Variants in RUNX1 observed in about 807,000 individuals in gnomAD.
The protein encoded by RUNX1 is RUNX family transcription factor 1, also known as runt-related transcription factor 1.
Under a neutral mutation model 42.8 loss-of-function variants are expected in RUNX1, and 19 were observed. The ratio of observed to expected loss-of-function variants is 0.44; its 90% CI spans 0.31 to 0.65. The LOEUF (loss-of-function observed/expected upper bound fraction) is 0.65. Ranked by LOEUF, RUNX1 falls within the 30% of genes least tolerant of loss-of-function variation. The pLI is 0.07. For missense variants in RUNX1, 528 were observed against 672.0 expected (o/e 0.79, Z 2.37); for synonymous variants, 271 against 289.4 (o/e 0.94, Z 0.64).
At chr21:34,983,633 T>A (rs1725241359) in intron 2 of RUNX1, among the ~76,000 whole-genome samples, 1 of 152,152 alleles carries the variant, frequency 6.6e-6, no homozygotes, top group South Asian at 2.1e-4. Flanking sequence ...GGGTTTAGAT[T>A]ACTAAGAATC....
At chr21:34,861,198 A>C (rs1028286503) in intron 5 of RUNX1, among the ~76,000 whole-genome samples, 5 of 152,322 alleles carry the variant, frequency 3.3e-5, no homozygotes, top group African/African-American at 1.2e-4. Context: ...TTCAGATGTT[A>C]TCAGGCGACA....
At chr21:35,012,410 C>A (rs1237571962) in intron 2 of RUNX1, among the ~76,000 whole-genome samples, 1 of 152,126 alleles carries the variant, frequency 6.6e-6, no homozygotes, top group Non-Finnish European at 1.5e-5. Flanking sequence ...TAGGGGATTC[C>A]AGACTATTTC....
intron 2 of RUNX1, among the ~76,000 whole-genome samples, chr21:34,936,790 T>C (rs2058489114): frequency 6.6e-6 from 1 of 152,210 alleles, no homozygotes; most frequent in Non-Finnish European, 1.5e-5. Context: ...AGCATTCGTC[T>C]CTGGTTTTAG....
chr21:34,858,059 A>G (rs1450317967), intron 6 of RUNX1, among the ~76,000 whole-genome samples: 1 of 152,198 alleles, frequency 6.6e-6, no homozygotes, highest in African/African-American at 2.4e-5. Context: ...AGGAAGGGAA[A>G]AAGCAGACGA....
chr21:34,973,604 C>T (rs1283495573), intron 2 of RUNX1, among the ~76,000 whole-genome samples: 2 of 152,186 alleles, frequency 1.3e-5, no homozygotes, highest in African/African-American at 4.8e-5. Flanking sequence ...TACAATCCTC[C>T]TATAAATCTG....
At position 34,970,509 on chromosome 21, in the gene RUNX1, C is replaced by T. The variant is rs559615517; in HGVS notation, c.59-77546G>A. ...GGATGGCTGGGGTTTTAAGATTGGC[C>T]TTTGCCCTCAAAAGTCACCTTCAGC... On this transcript the variant is annotated intron_variant, in intron 2 of 8. Coordinates refer to ENST00000675419, the MANE Select transcript of RUNX1 (RefSeq NM_001754.5). Among the ~76,000 whole-genome samples, 88 of 152,310 alleles carry T rather than the reference C, an allele frequency of 5.8e-4. No homozygotes were observed. In the South Asian group the frequency reaches 6.2e-3, roughly 11 times the overall value.
chr21:34,971,720 G>A (rs1365819815), intron 2 of RUNX1, among the ~76,000 whole-genome samples: 3 of 152,148 alleles, frequency 2.0e-5, no homozygotes, highest in African/African-American at 7.2e-5. Flanking sequence ...CCCATGTGAG[G>A]GCAAGAGATA....
chr21:34,902,242 A>G (rs2058183184), intron 2 of RUNX1, among the ~76,000 whole-genome samples: 1 of 152,360 alleles, frequency 6.6e-6, no homozygotes, highest in South Asian at 2.1e-4. Flanking sequence ...GTGTTCAAAA[A>G]TAACAGAGTG....
intron 2 of RUNX1, among the ~76,000 whole-genome samples, chr21:35,002,733 A>T (rs1247993287): frequency 6.6e-6 from 1 of 151,970 alleles, no homozygotes; most frequent in African/African-American, 2.4e-5. Context: ...CGGCCTACTT[A>T]TTTATTTTTA....
intron 2 of RUNX1, among the ~76,000 whole-genome samples, chr21:34,986,238 A>C (rs568654415): frequency 5.3e-5 from 8 of 152,122 alleles, no homozygotes; most frequent in African/African-American, 1.9e-4. Flanking sequence ...TCTGCCTTGC[A>C]TTAACTTTCA....
intron 2 of RUNX1, among the ~76,000 whole-genome samples, chr21:34,975,784 T>C (rs754600884): frequency 5.3e-5 from 8 of 151,760 alleles, no homozygotes; most frequent in Non-Finnish European, 7.4e-5. Flanking sequence ...AGAAGAGCAG[T>C]TGGGTGTGTA....
At chr21:35,042,789 C>T (rs1191677856) in intron 2 of RUNX1, among the ~76,000 whole-genome samples, 1 of 152,212 alleles carries the variant, frequency 6.6e-6, no homozygotes. Context: ...GCTCAAGCCA[C>T]TGTGGTCAGC....
chr21:35,015,764 A>G (rs1347240350), intron 2 of RUNX1, among the ~76,000 whole-genome samples: 2 of 152,238 alleles, frequency 1.3e-5, no homozygotes, highest in African/African-American at 4.8e-5. Context: ...CTAACTTCAC[A>G]AGAACTCTAT....
At chr21:34,817,507 G>C (rs1167150963) in intron 7 of RUNX1, among the ~76,000 whole-genome samples, 1 of 152,148 alleles carries the variant, frequency 6.6e-6, no homozygotes, top group Non-Finnish European at 1.5e-5. Flanking sequence ...GAGAAGGATA[G>C]GGCTGCCCAT....
At chr21:35,041,162 T>A (rs1601703888) in intron 2 of RUNX1, among the ~76,000 whole-genome samples, 1 of 152,184 alleles carries the variant, frequency 6.6e-6, no homozygotes, top group African/African-American at 2.4e-5. Context: ...CTACGGAGGG[T>A]ATTCTAACGC....
intron 2 of RUNX1, among the ~76,000 whole-genome samples, chr21:34,902,785 C>G (rs1308133697): frequency 6.6e-6 from 1 of 152,152 alleles, no homozygotes; most frequent in African/African-American, 2.4e-5. Context: ...ATCCACAAAA[C>G]AAGAGGCTTG....
intron 2 of RUNX1, among the ~76,000 whole-genome samples, chr21:34,960,779 T>C (rs2058676363): frequency 6.6e-6 from 1 of 152,160 alleles, no homozygotes; most frequent in African/African-American, 2.4e-5. Context: ...AAACTCTTAG[T>C]GTTTAATGTG....
chr21:34,808,647 A>G (rs1448415954), intron 7 of RUNX1, among the ~76,000 whole-genome samples: 1 of 152,180 alleles, frequency 6.6e-6, no homozygotes, highest in Non-Finnish European at 1.5e-5. Context: ...TTTGTGGGGC[A>G]GCTTTGAGAT....
At position 34,901,183 on chromosome 21, in the gene RUNX1, AC is replaced by A. The variant is rs966025111; in HGVS notation, c.59-8221del. ...GTTGGTTCTTAAGGGGCTGCTGGGA[AC>A]CCCTGAAGGTCCAAGTGTCTCTTTT... On this transcript the variant is annotated intron_variant, in intron 2 of 8. Transcript: ENST00000675419. The surrounding 1 kb of genome is among the most constrained non-coding windows in gnomAD (Gnocchi z 4.3). 3.3e-5 allele frequency among the ~76,000 whole-genome samples: 5 copies of A among 150,966 alleles called. No homozygotes were observed. Among genetic ancestry groups the A allele is most frequent in the Admixed American group, 6.6e-5 (1 of 15,124 alleles).
Sources: gnomAD v4.1 joint callset for allele counts (sites outside exome capture counted in the v4.1 genomes callset) on GRCh38, gnomAD v4.1.1 for gene constraint, Gnocchi (gnomAD v3.1) non-coding constraint, MANE v1.5 for transcripts, NCBI Gene and HGNC (gene_info 2026-07-23, HGNC 2026-07-21) for gene names.